UTP20: variants seen among roughly 807,000 people sequenced by gnomAD.
UTP20 encodes small subunit processome component 20 homolog.
A neutral mutation model predicts 329.5 loss-of-function variants in UTP20; 164 were observed. That is an observed-to-expected ratio of 0.50 (90% CI 0.44 to 0.57). The LOEUF (loss-of-function observed/expected upper bound fraction) is 0.57, where lower values mean the gene tolerates loss of function less well. Ranked by LOEUF, UTP20 falls within the 20% of genes least tolerant of loss-of-function variation. The pLI is 0.00. For missense variants in UTP20, 3,055 were observed against 3,284.2 expected (o/e 0.93, Z 1.71); for synonymous variants, 1,151 against 1,159.3 (o/e 0.99, Z 0.14).
Position 101,342,370 on chromosome 12 carries a change from CTATAA to C in UTP20, c.4102-71_4102-67del, listed in dbSNP as rs1174509117. 8.7e-5 allele frequency: 103 copies of C among 1,184,324 alleles called. 1 individual carries two copies. Among genetic ancestry groups the C allele is most frequent in the Admixed American group, 4.6e-4 (17 of 37,212 alleles). The allele number at this position is 1,184,324 out of a possible 1,614,324, so 73.4% of individuals were successfully genotyped here. ...ATCTTATTCACAATTGTTTTCTATG[CTATAA>C]TATATTAAAGTATAAGTTGACCAGT... On this transcript the variant is annotated intron_variant, in intron 32 of 61. Coordinates refer to ENST00000261637, the MANE Select transcript of UTP20 (RefSeq NM_014503.3).
At chr12:101,345,289 T>C (rs1869286308) in intron 36 of UTP20, among the ~76,000 whole-genome samples, 1 of 151,952 alleles carries the variant, frequency 6.6e-6, no homozygotes, top group Non-Finnish European at 1.5e-5. Flanking sequence ...TTTTTTTGTT[T>C]TTTGTTTTTG....
At chr12:101,303,549 A>G (rs555009291) in intron 15 of UTP20, among the ~76,000 whole-genome samples, 11 of 152,158 alleles carry the variant, frequency 7.2e-5, no homozygotes, top group East Asian at 1.9e-4. Flanking sequence ...ATGAATGCCA[A>G]CGCTCTGTGG....
Position 101,309,770 on chromosome 12 carries a change from T to A in UTP20, c.2162T>A (p.Leu721His), listed in dbSNP as rs1310961013. 1.2e-6 allele frequency: 2 copies of A among 1,613,656 alleles called. No individual in the cohort carries two copies. Among genetic ancestry groups the A allele is most frequent in the African/African-American group, 1.3e-5 (1 of 74,930 alleles). Residue 721 changes from leucine to histidine, a missense_variant, in exon 19 of 62, where the codon CTT becomes CAT. Physicochemically the swap from Leu to His is moderately conservative, Grantham distance 99. Coordinates refer to ENST00000261637, the MANE Select transcript of UTP20 (RefSeq NM_014503.3). ...AGTCTTTTGTAATTGCAGGTGCCGC[T>A]TCGTTATTTGTTAGGCATGCTATAT... The part of the protein sequence containing the change: ...VPDGPLQEVP[L>H]RYLLGMLYIN...
In UTP20 at chr12:101,377,521, A is replaced by T. The variant is rs560228888; in HGVS notation, c.7396+1765A>T. Among the ~76,000 whole-genome samples the T allele has an allele frequency of 5.3e-5, 8 of 152,144 alleles. 1 individual carries two copies. In the South Asian group the frequency reaches 1.2e-3, roughly 24 times the overall value. On this transcript the variant is annotated intron_variant, in intron 56 of 61. Transcript: ENST00000261637. Reference sequence around the variant, plus strand: ...AATTTTTGTATTTTTTAGTAGAGACAGGTTTTCACCGTGTTGGCCAGGATG... The same window carrying T: ...AATTTTTGTATTTTTTAGTAGAGACTGGTTTTCACCGTGTTGGCCAGGATG...
At chr12:101,296,461 C>T (rs1350871032) in intron 12 of UTP20, among the ~76,000 whole-genome samples, 1 of 152,056 alleles carries the variant, frequency 6.6e-6, no homozygotes, top group East Asian at 1.9e-4. Context: ...GTCCTAGTTA[C>T]TCGGGAGGCT....
At chr12:101,336,331 C>T (rs1314289226) in intron 29 of UTP20, among the ~76,000 whole-genome samples, 1 of 152,152 alleles carries the variant, frequency 6.6e-6, no homozygotes, top group Non-Finnish European at 1.5e-5. Context: ...TTGCAGTTTA[C>T]ATAGTATCAA....
At chr12:101,290,644 G>A in intron 7 of UTP20, 89 bp from the exon 8 acceptor site, 2 of 1,391,400 alleles carry the variant, frequency 1.4e-6, no homozygotes, top group Non-Finnish European at 1.9e-6. Flanking sequence ...GATTTTTAAG[G>A]TAGCTAATGT....
intron 52 of UTP20, 29 bp from the exon 53 acceptor site, chr12:101,373,372 A>C: frequency 1.3e-6 from 2 of 1,592,458 alleles, no homozygotes; most frequent in Non-Finnish European, 1.7e-6. Context: ...AGAAGATACT[A>C]ACAAATCCAC....
At chr12:101,357,584 C>T (rs1869765225) in intron 43 of UTP20, among the ~76,000 whole-genome samples, 1 of 152,074 alleles carries the variant, frequency 6.6e-6, no homozygotes, top group African/African-American at 2.4e-5. Flanking sequence ...GACCTTTTCC[C>T]TACAAAAACT....
chr12:101,334,797 A>T (rs1335819451), intron 29 of UTP20, among the ~76,000 whole-genome samples: 1 of 152,148 alleles, frequency 6.6e-6, no homozygotes, highest in Non-Finnish European at 1.5e-5. Flanking sequence ...CAACGTAGTG[A>T]GGGCTTGTCT....
intron 21 of UTP20, among the ~76,000 whole-genome samples, chr12:101,314,227 A>T (rs73376792): frequency 0.033 from 5,002 of 152,256 alleles, 305 homozygotes; most frequent in African/African-American, 0.11. Context: ...TAAACAGTTG[A>T]CTCAGATGTG....
In UTP20 at chr12:101,338,034, A is replaced by G. The variant is rs73378737; in HGVS notation, c.3642-17A>G. 8.5e-4 allele frequency: 1,369 copies of G among 1,610,386 alleles called. 12 individuals carry two copies. In the African/African-American group the frequency reaches 0.015, roughly 18 times the overall value. On this transcript the variant is annotated splice_polypyrimidine_tract_variant and intron_variant, in intron 29 of 61. Transcript: ENST00000261637. ...ATATTGAGAATAAGATGATTACTAC[A>G]ATGTTTTTTCTTCCAGATATTTCCC...
intron 48 of UTP20, 51 bp downstream of exon 48, chr12:101,368,027 CTA>C (rs748048440): frequency 7.7e-7 from 1 of 1,293,792 alleles, no homozygotes; most frequent in African/African-American, 1.5e-5. Context: ...TTCAGAAGAA[CTA>C]TGTTTTGCAG....
chr12:101,365,534 A>G lies in UTP20; in HGVS notation c.6034A>G (p.Ile2012Val), dbSNP rs907097284. 5 of 1,613,214 alleles carry G rather than the reference A, an allele frequency of 3.1e-6. No homozygotes were observed. The African/African-American group carries it at 6.7e-5, about 22-fold the overall frequency. The change falls in exon 46 of 62, where the codon ATT becomes GTT. Residue 2012 changes from isoleucine (I) to valine (V), a missense_variant. Physicochemically the swap from Ile to Val is conservative, Grantham distance 29. Transcript: ENST00000261637. ...ETLRRITVGLIVNQEMTAESI... is the reference protein window; with the variant it reads ...ETLRRITVGLVVNQEMTAESI... The stretch of plus-strand genomic sequence containing the variant: ...TTTACGCCGAATCACAGTGGGATTA[A>G]TTGTAAATCAGGAAATGACAGCTGA...
At position 101,353,044 on chromosome 12, in the gene UTP20, C is replaced by G; in HGVS notation, c.5025-3C>G. ...CATTTCTGTATACTTTTTTTTTTAA[C>G]AGTTTGCTAGTAATAGTGTTAGAAG... On this transcript the variant is annotated splice_region_variant and splice_polypyrimidine_tract_variant and intron_variant, in intron 39 of 61. Transcript: ENST00000261637. The G allele has an allele frequency of 6.6e-7, 1 of 1,520,926 alleles. No homozygotes were observed. The highest frequency in any genetic ancestry group is 2.3e-5 in the East Asian group (1 of 43,498). The allele number at this position is 1,520,926 out of a possible 1,614,324, so 94.2% of individuals were successfully genotyped here. A position where few individuals can be genotyped will look rare whatever the true frequency, so the allele number is the denominator to read the frequency against.
chr12:101,375,552 G>A, intron 55 of UTP20, 72 bp from the exon 56 acceptor site: 1 of 1,528,312 alleles, frequency 6.5e-7, no homozygotes, highest in Non-Finnish European at 8.9e-7. Context: ...GGATTGATGT[G>A]CTGGAGTAAA....
chr12:101,280,241 G>T lies in UTP20; in HGVS notation c.-42G>T. On this transcript the variant is annotated 5_prime_UTR_variant, in exon 1 of 62. Coordinates refer to ENST00000261637, the MANE Select transcript of UTP20 (RefSeq NM_014503.3). ...TCCTTACTGTCGGTTGCATCCCTTC[G>T]ACACTCCCGAGGCCGTCGCGGGCCA... 6.4e-7 allele frequency: 1 copy of T among 1,551,432 alleles called. No individual in the cohort carries two copies. The highest frequency in any genetic ancestry group is 8.7e-7 in the Non-Finnish European group (1 of 1,146,830).
intron 57 of UTP20, among the ~76,000 whole-genome samples, chr12:101,380,072 C>T (rs143482485): frequency 1.3e-3 from 195 of 152,216 alleles, no homozygotes; most frequent in Non-Finnish European, 2.4e-3. Flanking sequence ...AATGAGATCA[C>T]GTTCATGAAA....
intron 6 of UTP20, among the ~76,000 whole-genome samples, chr12:101,289,554 T>C (rs911261470): frequency 7.9e-5 from 12 of 152,328 alleles, no homozygotes; most frequent in African/African-American, 2.4e-4. Context: ...GTAAGACTTA[T>C]TTGTTGCTCA....
Sources: gnomAD v4.1 joint callset for allele counts (sites outside exome capture counted in the v4.1 genomes callset) on GRCh38, gnomAD v4.1.1 for gene constraint, MANE v1.5 for transcripts, NCBI Gene and HGNC (gene_info 2026-07-23, HGNC 2026-07-21) for gene names.